Variants in PYCR2 observed in about 807,000 individuals in gnomAD.
The protein encoded by PYCR2 is P5C reductase 2.
A neutral mutation model predicts 23.4 loss-of-function variants in PYCR2; 17 were observed. The ratio of observed to expected loss-of-function variants is 0.73; its 90% CI spans 0.50 to 1.09. The LOEUF (loss-of-function observed/expected upper bound fraction) is 1.09. Among genes scored for constraint, PYCR2 ranks in the 50% least tolerant of loss-of-function variants. PYCR2 has a pLI of 0.00. For synonymous variants in PYCR2, 172 were observed against 176.6 expected (o/e 0.97, Z 0.21); for missense variants, 380 against 423.5 (o/e 0.90, Z 0.90).
Position 225,922,041 on chromosome 1 carries a change from G to A in PYCR2, c.357C>T (p.Arg119=). The change falls in exon 4 of 7, where the codon CGC becomes CGT. Residue 119 remains arginine (R), a synonymous_variant. Transcript: ENST00000343818. ...MAFQPAPKVI[R]CMTNTPVVVQ... ...CTACCACAGGTGTGTTGGTCATGCA[G>A]CGAATCACTTTGGGGGCTGGCTGGA... is the stretch of plus-strand genomic sequence containing the variant. The A allele has an allele frequency of 6.2e-7, 1 of 1,614,196 alleles. No individual in the cohort carries two copies. The highest frequency in any genetic ancestry group is 8.5e-7 in the Non-Finnish European group (1 of 1,180,032).
intron 2 of PYCR2, 180 bp downstream of exon 2, chr1:225,923,521 G>A: frequency 6.9e-7 from 1 of 1,445,476 alleles, no homozygotes; most frequent in Middle Eastern, 2.6e-4. Context: ...GTCTCCCTGG[G>A]TGTTCCCACC....
In PYCR2 at chr1:225,921,083, G is replaced by A. The variant is rs974056762; in HGVS notation, c.797+125C>T. 2.0e-6 allele frequency: 2 copies of A among 1,021,632 alleles called. No homozygotes were observed. Among genetic ancestry groups the A allele is most frequent in the Non-Finnish European group, 2.9e-6 (2 of 693,324 alleles). The allele number at this position is 1,021,632 out of a possible 1,614,324, so 63.3% of individuals were successfully genotyped here. Reference sequence around the variant, plus strand: ...ATCTACTAAGTTGTGGTTATTAACAGAGCACAGACTCCAACACTGCTAAAT... The same window carrying A: ...ATCTACTAAGTTGTGGTTATTAACAAAGCACAGACTCCAACACTGCTAAAT... On this transcript the variant is annotated intron_variant, in intron 6 of 6. Transcript: ENST00000343818. The surrounding 1 kb of genome is among the most constrained non-coding windows in gnomAD (Gnocchi z 4.2).
At chr1:225,922,125 C>T in intron 3 of PYCR2, 46 bp from the exon 4 acceptor site, 1 of 1,607,050 alleles carries the variant, frequency 6.2e-7, no homozygotes, top group Non-Finnish European at 8.5e-7. Context: ...GCACGGCTCC[C>T]ACCAGCACCC....
Position 225,923,705 on chromosome 1 carries a change from A to C in PYCR2, c.134T>G (p.Leu45Arg). Residue 45 changes from leucine (L) to arginine (R), a missense_variant, in exon 2 of 7, where the codon CTC becomes CGC. By Grantham distance (102) the Leu-to-Arg change is moderately radical (BLOSUM62 -2). Coordinates refer to ENST00000343818, the MANE Select transcript of PYCR2 (RefSeq NM_013328.4). ...ACTCCGCCCGGCTCCACCTACCCTG[A>C]GCGCGGACACCGTGGGCAGGTTCAT... ...PEMNLPTVSA[L>R]RKMGVNLTRS... 1 of 1,614,014 alleles carries C rather than the reference A, an allele frequency of 6.2e-7. No individual in the cohort carries two copies. The highest frequency in any genetic ancestry group is 1.1e-5 in the South Asian group (1 of 91,078).
Position 225,922,308 on chromosome 1 carries a change from G to C in PYCR2, c.214C>G (p.Pro72Ala). 2 of 1,614,208 alleles carry C rather than the reference G, an allele frequency of 1.2e-6. No individual in the cohort carries two copies. Among genetic ancestry groups the C allele is most frequent in the Non-Finnish European group, 1.7e-6 (2 of 1,180,046 alleles). ...HSDVLFLAVK[P>A]HIIPFILDEI... Reference sequence around the variant, plus strand: ...TCCAGGATGAAGGGGATGATATGTGGCTTCACAGCCAGAAACAGGACGTCG... The same window carrying C: ...TCCAGGATGAAGGGGATGATATGTGCCTTCACAGCCAGAAACAGGACGTCG... The change falls in exon 3 of 7, where the codon CCA becomes GCA. Residue 72 changes from proline (P) to alanine (A), a missense_variant. Coordinates refer to ENST00000343818, the MANE Select transcript of PYCR2 (RefSeq NM_013328.4).
chr1:225,922,517 G>A (rs945977569), intron 2 of PYCR2, 134 bp from the exon 3 acceptor site: 4 of 850,370 alleles, frequency 4.7e-6, no homozygotes, highest in African/African-American at 1.7e-5. Flanking sequence ...TGCCCTCAGG[G>A]TTCTACCCCT....
chr1:225,922,682 C>A, intron 2 of PYCR2: 1 of 395,102 alleles, frequency 2.5e-6, no homozygotes. Flanking sequence ...TAAGAAGGCC[C>A]TATGGTGAAA....
intron 2 of PYCR2, chr1:225,922,917 C>G: frequency 1.2e-6 from 1 of 866,328 alleles, no homozygotes; most frequent in Non-Finnish European, 1.4e-6. Flanking sequence ...TGTCACCTGC[C>G]TCATCAGCCA....
rs562190578 is a variant in PYCR2, at chr1:225,921,094, C to G, written c.797+114G>C. On this transcript the variant is annotated intron_variant, in intron 6 of 6. Transcript: ENST00000343818. The surrounding 1 kb of genome is among the most constrained non-coding windows in gnomAD (Gnocchi z 4.2). ...TGTGGTTATTAACAGAGCACAGACT[C>G]CAACACTGCTAAATGGGACCCAAGA... 1 of 1,145,538 alleles carries G rather than the reference C, an allele frequency of 8.7e-7. No individual in the cohort carries two copies. Among genetic ancestry groups the G allele is most frequent in the African/African-American group, 1.6e-5 (1 of 63,324 alleles). 71.0% of individuals were successfully genotyped at this position (1,145,538 alleles called of 1,614,324 possible).
Position 225,922,080 on chromosome 1 carries a change from C to T in PYCR2, c.319-1G>A. The T allele has an allele frequency of 6.2e-7, 1 of 1,613,688 alleles. No homozygotes were observed. The highest frequency in any genetic ancestry group is 8.5e-7 in the Non-Finnish European group (1 of 1,179,788). The stretch of plus-strand genomic sequence containing the variant: ...GGGCTGGCTGGAATGCCATCAGCTT[C>T]TAGGGTGAGGGAGAGAGCCGAATGA... On this transcript the variant is annotated splice_acceptor_variant, in intron 3 of 6. Coordinates refer to ENST00000343818, the MANE Select transcript of PYCR2 (RefSeq NM_013328.4). LOFTEE classifies it high-confidence loss of function.
rs1232399671 is a variant in PYCR2 at position 225,924,241 on chromosome 1, C to T, written c.-131G>A. ...CCGAGGACCGGCGAGCTAACAGCAG[C>T]TTCTGGGATGGTGCAACCCTATTCT... On this transcript the variant is annotated 5_prime_UTR_variant, in exon 1 of 7. Coordinates refer to ENST00000343818, the MANE Select transcript of PYCR2 (RefSeq NM_013328.4). 1.9e-6 allele frequency: 2 copies of T among 1,060,532 alleles called. No individual in the cohort carries two copies. The highest frequency in any genetic ancestry group is 1.6e-5 in the South Asian group (1 of 62,080). The allele number at this position is 1,060,532 out of a possible 1,614,324, so 65.7% of individuals were successfully genotyped here.
rs897922160 is a variant in PYCR2, at chr1:225,921,769, G to A, written c.540+89C>T. ...TGTACCAGCCAGCTGTGCCCAAGAG[G>A]TGGGCGCCACCCCCAGTCCAAGCCT... is the stretch of plus-strand genomic sequence containing the variant. On this transcript the variant is annotated intron_variant, in intron 4 of 6. Transcript: ENST00000343818. The surrounding 1 kb of genome is among the most constrained non-coding windows in gnomAD (Gnocchi z 4.2). 6.3e-7 allele frequency: 1 copy of A among 1,584,866 alleles called. No individual in the cohort carries two copies. Among genetic ancestry groups the A allele is most frequent in the African/African-American group, 1.3e-5 (1 of 74,184 alleles).
In PYCR2 at chr1:225,921,559, G is replaced by T; in HGVS notation, c.626C>A (p.Ala209Asp). Residue 209 changes from alanine to aspartate, a missense_variant, in exon 5 of 7, where the codon GCT (alanine) becomes GAT (aspartate). Transcript: ENST00000343818. The surrounding 1 kb of genome is among the most constrained non-coding windows in gnomAD (Gnocchi z 4.2). ...RRLAIQLGAQALLGAAKMLLD... is the reference protein window; with the variant it reads ...RRLAIQLGAQDLLGAAKMLLD... ...CGGGGGAAAGATACTGACCAGCAAA[G>T]CCTGGGCCCCGAGTTGGATTGCCAG... 1 of 1,614,190 alleles carries T rather than the reference G, an allele frequency of 6.2e-7. No individual in the cohort carries two copies. The highest frequency in any genetic ancestry group is 1.1e-5 in the South Asian group (1 of 91,082).
Position 225,921,727 on chromosome 1 carries a change from T to C in PYCR2, c.541-83A>G. 5 of 1,588,440 alleles carry C rather than the reference T, an allele frequency of 3.1e-6. No individual in the cohort carries two copies. The highest frequency in any genetic ancestry group is 4.3e-6 in the Non-Finnish European group (5 of 1,158,082). On this transcript the variant is annotated intron_variant, in intron 4 of 6. Transcript: ENST00000343818. This position sits in a 1 kb window ranked among gnomAD's most constrained non-coding sequence, Gnocchi z 4.2. ...CTGCTTTCTGATGACTAGAACTAGC[T>C]CCAAGGGTCAGCATCCTGTACCAGC...
At position 225,921,411 on chromosome 1, in the gene PYCR2, C is replaced by CGTTG; in HGVS notation, c.634-44_634-41dup. ...ACATTAGGAGAAAGTTGCTGGTGTG[C>CGTTG]GTTGGAACAGGCTTCCCATACCCAC... On this transcript the variant is annotated intron_variant, in intron 5 of 6. Coordinates refer to ENST00000343818, the MANE Select transcript of PYCR2 (RefSeq NM_013328.4). The surrounding 1 kb of genome is among the most constrained non-coding windows in gnomAD (Gnocchi z 4.2). 2 of 1,524,184 alleles carry CGTTG rather than the reference C, an allele frequency of 1.3e-6. No individual in the cohort carries two copies. Among genetic ancestry groups the CGTTG allele is most frequent in the Non-Finnish European group, 1.8e-6 (2 of 1,104,380 alleles). The allele number at this position is 1,524,184 out of a possible 1,614,324, so 94.4% of individuals were successfully genotyped here.
Position 225,924,068 on chromosome 1 carries a change from G to C in PYCR2, c.43C>G (p.Leu15Val), listed in dbSNP as rs774053734. The change falls in exon 1 of 7, where the codon CTG (leucine) becomes GTG (valine). Residue 15 changes from leucine (L) to valine (V), a missense_variant. Transcript: ENST00000343818. ...FIGAGQLAYALARGFTAAGIL... is the reference protein window; with the variant it reads ...FIGAGQLAYAVARGFTAAGIL... Reference sequence around the variant, plus strand: ...CCTGCGGCCGTGAAGCCCCGCGCCAGAGCATAGGCCAGCTGGCCGGCCCCG... The same window carrying C: ...CCTGCGGCCGTGAAGCCCCGCGCCACAGCATAGGCCAGCTGGCCGGCCCCG... 3 of 1,544,580 alleles carry C rather than the reference G, an allele frequency of 1.9e-6. No individual in the cohort carries two copies. Among genetic ancestry groups the C allele is most frequent in the South Asian group, 2.4e-5 (2 of 84,254 alleles).
intron 1 of PYCR2, 26 bp downstream of exon 1, chr1:225,924,018 G>GCCGCCTC (rs3830909): frequency 0.04 from 60,905 of 1,534,598 alleles, 2,498 homozygotes; most frequent in East Asian, 0.2. Context: ...CGCCCGCGAA[G>GCCGCCTC]CCGCCTCCCG....
intron 1 of PYCR2, 131 bp downstream of exon 1, chr1:225,923,913 G>T: frequency 6.8e-7 from 1 of 1,469,620 alleles, no homozygotes; most frequent in Non-Finnish European, 9.2e-7. Context: ...AGACGCACTT[G>T]CTGCTCAACC....
chr1:225,923,520 G>A, intron 2 of PYCR2, 181 bp downstream of exon 2: 1 of 1,444,578 alleles, frequency 6.9e-7, no homozygotes, highest in East Asian at 2.5e-5. Flanking sequence ...TGTCTCCCTG[G>A]GTGTTCCCAC....
Sources: gnomAD v4.1 joint callset for allele counts on GRCh38, gnomAD v4.1.1 for gene constraint, Gnocchi (gnomAD v3.1) non-coding constraint, MANE v1.5 for transcripts, NCBI Gene and HGNC (gene_info 2026-07-23, HGNC 2026-07-21) for gene names.